The following EXOC2 variants were observed in gnomAD, a reference collection of about 807,000 sequenced individuals.
The protein encoded by EXOC2 is exocyst complex component 2.
In EXOC2, 70 loss-of-function variants were observed where a neutral mutation model predicts 131.8. That is an observed-to-expected ratio of 0.53 (90% CI 0.44 to 0.65). EXOC2 has a LOEUF of 0.65. EXOC2 is among the 30% of genes least tolerant of loss of function. The probability of loss-of-function intolerance (pLI) is 0.00; values close to 1 mark genes in which losing one functional copy is unlikely to be tolerated. For synonymous variants in EXOC2, 411 were observed against 398.4 expected, an observed-to-expected ratio of 1.03 and a Z score of -0.38; for missense variants, 923 against 1,108.6, an observed-to-expected ratio of 0.83 and a Z score of 2.38.
At chr6:518,077 C>T (rs145426437) in intron 23 of EXOC2, among the ~76,000 whole-genome samples, 3 of 152,102 alleles carry the variant, frequency 2.0e-5, no homozygotes, top group South Asian at 2.1e-4. Flanking sequence ...AAAGCTTCTA[C>T]GAGAATTTGA....
chr6:612,329 A>G (rs377743903), intron 6 of EXOC2, among the ~76,000 whole-genome samples: 1 of 152,260 alleles, frequency 6.6e-6, no homozygotes, highest in South Asian at 2.1e-4. Context: ...TTTGGCTCAC[A>G]TGCTGACCTC....
At chr6:592,160 C>A (rs1327701914) in intron 11 of EXOC2, among the ~76,000 whole-genome samples, 2 of 152,112 alleles carry the variant, frequency 1.3e-5, no homozygotes, top group Non-Finnish European at 2.9e-5. Flanking sequence ...CAGGACTCAA[C>A]ATACACCTGA....
intron 1 of EXOC2, among the ~76,000 whole-genome samples, chr6:664,211 T>C (rs1353910139): frequency 6.6e-6 from 1 of 152,052 alleles, no homozygotes; most frequent in African/African-American, 2.4e-5. Context: ...TAAAATAAAA[T>C]ACTTAGGAAT....
chr6:539,072 GA>G (rs11351666), intron 22 of EXOC2, among the ~76,000 whole-genome samples: 133,324 of 142,304 alleles, frequency 0.94, 62,387 homozygotes, highest in East Asian at 0.99. Context: ...TCTGTCTGAA[GA>G]AAAAAAAAAA....
chr6:548,356 G>A (rs1247048524), intron 22 of EXOC2, among the ~76,000 whole-genome samples: 12 of 152,100 alleles, frequency 7.9e-5, no homozygotes, highest in East Asian at 5.8e-4. Context: ...GATCATTATC[G>A]TTCTCATTCT....
At chr6:615,258 T>C (rs1287906367) in intron 6 of EXOC2, among the ~76,000 whole-genome samples, 1 of 151,722 alleles carries the variant, frequency 6.6e-6, no homozygotes, top group Non-Finnish European at 1.5e-5. Flanking sequence ...ACCTGTTCGT[T>C]CCCAGTCCCC....
intron 23 of EXOC2, among the ~76,000 whole-genome samples, chr6:502,178 C>CAA (rs2127489317): frequency 6.6e-6 from 1 of 152,216 alleles, no homozygotes; most frequent in South Asian, 2.1e-4. Flanking sequence ...AATCGAAGCA[C>CAA]AATAGTAAGC....
At chr6:627,011 C>T (rs1252944252) in intron 4 of EXOC2, among the ~76,000 whole-genome samples, 1 of 151,740 alleles carries the variant, frequency 6.6e-6, no homozygotes, top group African/African-American at 2.4e-5. Context: ...TTTTAAAAGC[C>T]CCAAATGACA....
In EXOC2 at chr6:641,395, C is replaced by T. The variant is rs148685253; in HGVS notation, c.-43-3534G>A. Among the ~76,000 whole-genome samples the T allele has an allele frequency of 1.6e-4, 25 of 152,280 alleles. No individual in the cohort carries two copies. The East Asian group carries it at 2.9e-3, about 18-fold the overall frequency. ...TGTTATTCATGATCCTCTCAAACCA[C>T]GCCCTAGTATAGGCCAAGATGACTC... On this transcript the variant is annotated intron_variant, in intron 1 of 27. Coordinates refer to ENST00000230449, the MANE Select transcript of EXOC2 (RefSeq NM_018303.6).
At chr6:488,910 G>C (rs879159059) in intron 27 of EXOC2, 69 bp downstream of exon 27, 8 of 1,445,238 alleles carry the variant, frequency 5.5e-6, no homozygotes, top group Non-Finnish European at 7.6e-6. Flanking sequence ...ATTTTTAAAA[G>C]GTATTTTAGG....
chr6:607,153 C>T (rs1760463168), intron 7 of EXOC2, among the ~76,000 whole-genome samples: 1 of 152,196 alleles, frequency 6.6e-6, no homozygotes, highest in African/African-American at 2.4e-5. Context: ...GTGGGAACCG[C>T]AGTTCTCCAC....
chr6:562,092 T>C (rs1455971702), intron 17 of EXOC2, among the ~76,000 whole-genome samples: 1 of 152,116 alleles, frequency 6.6e-6, no homozygotes, highest in Admixed American at 6.5e-5. Flanking sequence ...TAGAAGGCAG[T>C]GTGAAGGGTC....
chr6:551,039 T>G (rs1182988029), intron 21 of EXOC2, among the ~76,000 whole-genome samples: 1 of 152,180 alleles, frequency 6.6e-6, no homozygotes, highest in Non-Finnish European at 1.5e-5. Flanking sequence ...ATCATTCAGA[T>G]GCAATAAAAG....
intron 1 of EXOC2, among the ~76,000 whole-genome samples, chr6:676,137 A>C (rs184572301): frequency 0.097 from 1,890 of 19,564 alleles, 69 homozygotes; most frequent in East Asian, 0.21. Flanking sequence ...GGAGACTCTG[A>C]GGTTCCCCAT....
At chr6:616,301 C>T (rs377219896) in intron 6 of EXOC2, among the ~76,000 whole-genome samples, 12 of 152,282 alleles carry the variant, frequency 7.9e-5, no homozygotes, top group African/African-American at 2.6e-4. Context: ...TCACATTTTA[C>T]CCCTTCAAAA....
intron 1 of EXOC2, among the ~76,000 whole-genome samples, chr6:639,860 C>T (rs760463155): frequency 1.3e-5 from 2 of 152,182 alleles, no homozygotes; most frequent in Non-Finnish European, 2.9e-5. Flanking sequence ...CTTTAATGTG[C>T]ATGGACTCGC....
intron 21 of EXOC2, among the ~76,000 whole-genome samples, chr6:552,860 CCACACACA>C (rs371980411): frequency 2.7e-5 from 4 of 149,954 alleles, no homozygotes; most frequent in African/African-American, 9.8e-5. Context: ...CAGACACAGA[CCACACACA>C]CACACACACA....
chr6:623,938 C>G (rs1460061431), intron 4 of EXOC2, among the ~76,000 whole-genome samples: 3 of 152,252 alleles, frequency 2.0e-5, no homozygotes, highest in African/African-American at 7.2e-5. Flanking sequence ...GCCAGCAAAC[C>G]CAGGCTCCTC....
At chr6:501,810 C>G (rs1369576290) in intron 23 of EXOC2, among the ~76,000 whole-genome samples, 1 of 149,146 alleles carries the variant, frequency 6.7e-6, no homozygotes, top group South Asian at 2.1e-4. Context: ...AAGAGTAATT[C>G]AATATAATCC....
Sources: allele counts gnomAD v4.1 joint callset (sites outside exome capture counted in the v4.1 genomes callset), GRCh38; gene constraint gnomAD v4.1.1; transcripts MANE v1.5; gene names NCBI Gene and HGNC (gene_info 2026-07-23, HGNC 2026-07-21).